HSPA12A: variants seen among roughly 807,000 people sequenced by gnomAD.
HSPA12A encodes heat shock 70 kDa protein 12A.
In HSPA12A, 28 loss-of-function variants were observed where a neutral mutation model predicts 69.2. That is an observed-to-expected ratio of 0.40 (90% CI 0.30 to 0.55). HSPA12A has a LOEUF of 0.55. Among genes scored for constraint, HSPA12A ranks in the 20% least tolerant of loss-of-function variants. The pLI, the probability that HSPA12A is intolerant of heterozygous loss-of-function variation, is 0.38. For missense variants in HSPA12A, 686 were observed against 900.7 expected (o/e 0.76, Z 3.05); for synonymous variants, 345 against 370.5 (o/e 0.93, Z 0.79).
In HSPA12A at chr10:116,742,422, G is replaced by A; in HGVS notation, c.40+8C>T. 2 of 1,434,892 alleles carry A rather than the reference G, an allele frequency of 1.4e-6. No homozygotes were observed. The highest frequency in any genetic ancestry group is 1.3e-5 in the South Asian group (1 of 75,348). 88.9% of individuals were successfully genotyped at this position (1,434,892 alleles called of 1,614,324 possible). On this transcript the variant is annotated splice_region_variant and intron_variant, in intron 1 of 11. Transcript: ENST00000369209. ...GCCGCGGCCGCAGGACCCGCAGCCT[G>A]CGCTCACCTCGGGGCCCGTCGCTGC... is the stretch of plus-strand genomic sequence containing the variant.
In HSPA12A at chr10:116,700,525, T is replaced by C. The variant is rs10886002; in HGVS notation, c.441+418A>G. 1.5e-4 allele frequency among the ~76,000 whole-genome samples: 23 copies of C among 152,258 alleles called. No homozygotes were observed. In the South Asian group the frequency reaches 4.6e-3, roughly 30 times the overall value. On this transcript the variant is annotated intron_variant, in intron 4 of 11. Coordinates refer to ENST00000369209, the MANE Select transcript of HSPA12A (RefSeq NM_025015.3). ...ACATCCAAACTGGTTAGTTAAGAGC[T>C]ACTGCCCTGAGCTCGCCATGTGTCC... is the stretch of plus-strand genomic sequence containing the variant.
At chr10:116,847,880 G>A (rs1308537515) in intron 1 of HSPA12A, among the ~76,000 whole-genome samples, 1 of 152,152 alleles carries the variant, frequency 6.6e-6, no homozygotes, top group African/African-American at 2.4e-5. Context: ...AGACATCCCT[G>A]AGGGCTGAAC....
chr10:116,693,365 A>G (rs779313829), intron 5 of HSPA12A, among the ~76,000 whole-genome samples: 1 of 152,232 alleles, frequency 6.6e-6, no homozygotes, highest in Non-Finnish European at 1.5e-5. Flanking sequence ...GGGACAAAAT[A>G]TGTCGCTGGA....
intron 6 of HSPA12A, among the ~76,000 whole-genome samples, chr10:116,692,091 G>A (rs1849752548): frequency 6.6e-6 from 1 of 152,196 alleles, no homozygotes; most frequent in African/African-American, 2.4e-5. Context: ...GTAGAAACAT[G>A]ACCTGGAAAT....
intron 2 of HSPA12A, among the ~76,000 whole-genome samples, chr10:116,818,619 CA>C (rs1845352173): frequency 6.6e-6 from 1 of 152,142 alleles, no homozygotes; most frequent in African/African-American, 2.4e-5. Context: ...AAGGGGGACA[CA>C]GTTACATCTC....
rs543155366 is a variant in HSPA12A at position 116,673,371 on chromosome 10, A to G, written c.*1410T>C. The G allele has an allele frequency of 4.6e-5, 7 of 152,192 alleles. No homozygotes were observed. Among genetic ancestry groups the G allele is most frequent in the Admixed American group, 2.0e-4 (3 of 15,280 alleles). 9.4% of individuals were successfully genotyped at this position (152,192 alleles called of 1,614,324 possible). On this transcript the variant is annotated 3_prime_UTR_variant, in exon 12 of 12. Coordinates refer to ENST00000369209, the MANE Select transcript of HSPA12A (RefSeq NM_025015.3). ...AGGTGGAGCCCCAATCCCATTGACC[A>G]AGAGGGCAAGGTATGGGGTCACCTT...
intron 3 of HSPA12A, among the ~76,000 whole-genome samples, chr10:116,703,770 C>T (rs528412743): frequency 6.6e-6 from 1 of 152,282 alleles, no homozygotes; most frequent in Admixed American, 6.5e-5. Flanking sequence ...GGGTGGCACC[C>T]GGGGCCTGCA....
intron 2 of HSPA12A, among the ~76,000 whole-genome samples, chr10:116,787,009 TAC>T (rs1844592714): frequency 7.9e-5 from 2 of 25,286 alleles, no homozygotes; most frequent in African/African-American, 1.2e-4. Context: ...CACACACACA[TAC>T]ACACACGCAC....
intron 6 of HSPA12A, among the ~76,000 whole-genome samples, chr10:116,687,486 AGCGG>A (rs1849609197): frequency 2.0e-5 from 3 of 152,228 alleles, no homozygotes; most frequent in South Asian, 2.1e-4. Flanking sequence ...GAGAAGAGGC[AGCGG>A]ACTCTGCACA....
chr10:116,806,919 T>C (rs1380375076), intron 2 of HSPA12A, among the ~76,000 whole-genome samples: 1 of 152,230 alleles, frequency 6.6e-6, no homozygotes, highest in East Asian at 1.9e-4. Flanking sequence ...TCGTCCTGGG[T>C]TACCCAGTTA....
chr10:116,835,239 G>A, intron 1 of HSPA12A: 1 of 283,518 alleles, frequency 3.5e-6, no homozygotes, highest in Non-Finnish European at 6.6e-6. Flanking sequence ...GCTTAGCCCT[G>A]AGTCTCAGAT....
intron 1 of HSPA12A, among the ~76,000 whole-genome samples, chr10:116,840,640 C>G (rs968456928): frequency 3.3e-5 from 5 of 152,208 alleles, no homozygotes; most frequent in African/African-American, 1.2e-4. Flanking sequence ...AAATTTGGCA[C>G]TAGTTCCCTC....
intron 2 of HSPA12A, among the ~76,000 whole-genome samples, chr10:116,800,129 A>G (rs892493622): frequency 6.6e-6 from 1 of 152,194 alleles, no homozygotes; most frequent in Non-Finnish European, 1.5e-5. Context: ...AGCTGATACC[A>G]TGGGCAACTG....
At chr10:116,814,813 T>C (rs566567381) in intron 2 of HSPA12A, among the ~76,000 whole-genome samples, 2 of 152,330 alleles carry the variant, frequency 1.3e-5, no homozygotes, top group Admixed American at 1.3e-4. Context: ...GGAAGTTACA[T>C]ACCTCTCCTG....
intron 2 of HSPA12A, among the ~76,000 whole-genome samples, chr10:116,821,159 A>C (rs756526154): frequency 5.3e-5 from 8 of 152,110 alleles, no homozygotes; most frequent in Non-Finnish European, 1.2e-4. Flanking sequence ...ATCTTTCAAA[A>C]ATATAAGTAC....
intron 2 of HSPA12A, among the ~76,000 whole-genome samples, chr10:116,799,020 T>C (rs1681735): frequency 1.3e-5 from 2 of 152,088 alleles, no homozygotes; most frequent in Non-Finnish European, 2.9e-5. Flanking sequence ...TGCCCAGGGC[T>C]CTGCTGACTC....
intron 5 of HSPA12A, 56 bp from the exon 6 acceptor site, chr10:116,692,523 G>A: frequency 7.3e-7 from 1 of 1,378,000 alleles, no homozygotes; most frequent in Non-Finnish European, 1.0e-6. Context: ...TCCTGGAGCA[G>A]CCTCCTGTGG....
intron 2 of HSPA12A, among the ~76,000 whole-genome samples, chr10:116,749,344 C>G (rs1213292082): frequency 1.3e-5 from 2 of 152,174 alleles, no homozygotes; most frequent in African/African-American, 4.8e-5. Context: ...CTCTGGGAAC[C>G]TCACATCCAT....
At chr10:116,780,841 A>C (rs1292363288) in intron 2 of HSPA12A, among the ~76,000 whole-genome samples, 1 of 152,266 alleles carries the variant, frequency 6.6e-6, no homozygotes, top group East Asian at 1.9e-4. Context: ...GACGAGTCAC[A>C]GGCATTGCTA....
Sources: gnomAD v4.1 joint callset for allele counts (sites outside exome capture counted in the v4.1 genomes callset) on GRCh38, gnomAD v4.1.1 for gene constraint, MANE v1.5 for transcripts, NCBI Gene and HGNC (gene_info 2026-07-23, HGNC 2026-07-21) for gene names.